EPHB1: variants seen among roughly 807,000 people sequenced by gnomAD.
EPHB1 encodes ephrin type-B receptor 1.
In EPHB1, 30 loss-of-function variants were observed where a neutral mutation model predicts 94.4. That is an observed-to-expected ratio of 0.32 (90% CI 0.24 to 0.43). The LOEUF (loss-of-function observed/expected upper bound fraction) is 0.43. Ranked by LOEUF, EPHB1 falls within the 20% of genes least tolerant of loss-of-function variation. The pLI, the probability that EPHB1 is intolerant of heterozygous loss-of-function variation, is 1.00. For synonymous variants in EPHB1, 522 were observed against 489.1 expected (o/e 1.07, Z -0.89); for missense variants, 1,055 against 1,308.3 (o/e 0.81, Z 2.99).
chr3:134,858,162 C>T (rs1017640058), intron 1 of EPHB1, among the ~76,000 whole-genome samples: 7 of 134,930 alleles, frequency 5.2e-5, no homozygotes, highest in Non-Finnish European at 1.2e-4. Flanking sequence ...TCATCATCAT[C>T]ATCATCATCA....
chr3:134,823,234 A>C (rs1490603450), intron 1 of EPHB1, among the ~76,000 whole-genome samples: 3 of 152,368 alleles, frequency 2.0e-5, no homozygotes, highest in African/African-American at 4.8e-5. Flanking sequence ...GGAGAAAGTC[A>C]GTTCAGAGAG....
chr3:134,797,631 C>T (rs867664150), intron 1 of EPHB1, among the ~76,000 whole-genome samples: 21 of 152,174 alleles, frequency 1.4e-4, no homozygotes, highest in Non-Finnish European at 1.8e-4. Flanking sequence ...TCAGTTTCCT[C>T]CCTGCCCCTC....
intron 2 of EPHB1, among the ~76,000 whole-genome samples, chr3:134,937,912 CTTTTTT>C (rs113610495): frequency 8.2e-6 from 1 of 122,614 alleles, no homozygotes; most frequent in African/African-American, 3.2e-5. Context: ...TGGTTCCCTC[CTTTTTT>C]TTTTTTTTTT....
chr3:134,834,678 G>A (rs1228256720), intron 1 of EPHB1, among the ~76,000 whole-genome samples: 1 of 152,182 alleles, frequency 6.6e-6, no homozygotes, highest in Non-Finnish European at 1.5e-5. Context: ...CTCGTTGGTG[G>A]TTGGCTTGTA....
At chr3:135,009,985 AC>A (rs1367096900) in intron 3 of EPHB1, among the ~76,000 whole-genome samples, 2 of 152,240 alleles carry the variant, frequency 1.3e-5, no homozygotes, top group African/African-American at 4.8e-5. Flanking sequence ...GAAATCATTA[AC>A]ATTTGGTGCT....
intron 3 of EPHB1, among the ~76,000 whole-genome samples, chr3:134,953,080 G>C (rs1374774366): frequency 6.6e-6 from 1 of 152,122 alleles, no homozygotes; most frequent in Non-Finnish European, 1.5e-5. Flanking sequence ...TTAGTCCTTT[G>C]GGTCTTGGGG....
intron 12 of EPHB1, among the ~76,000 whole-genome samples, chr3:135,235,849 G>A (rs886343431): frequency 1.3e-5 from 2 of 152,126 alleles, no homozygotes; most frequent in Non-Finnish European, 2.9e-5. Flanking sequence ...AACTGTGGCC[G>A]AGGTCTGATC....
chr3:134,985,566 G>A (rs879530772), intron 3 of EPHB1, among the ~76,000 whole-genome samples: 1 of 152,168 alleles, frequency 6.6e-6, no homozygotes, highest in South Asian at 2.1e-4. Context: ...AAGCAAGAAG[G>A]ACGTTTCTGT....
chr3:135,234,905 A>T (rs779428364), intron 12 of EPHB1, among the ~76,000 whole-genome samples: 4 of 152,200 alleles, frequency 2.6e-5, no homozygotes, highest in Non-Finnish European at 5.9e-5. Flanking sequence ...ATTCAAGATG[A>T]GATTTGGGTA....
intron 3 of EPHB1, among the ~76,000 whole-genome samples, chr3:135,081,384 C>T (rs1938158493): frequency 1.3e-5 from 2 of 152,116 alleles, no homozygotes; most frequent in Non-Finnish European, 2.9e-5. Context: ...GCTAAAGGGG[C>T]TTACAAAACT....
chr3:134,843,401 G>A (rs1391856829), intron 1 of EPHB1, among the ~76,000 whole-genome samples: 1 of 152,006 alleles, frequency 6.6e-6, no homozygotes, highest in Non-Finnish European at 1.5e-5. Context: ...TGGGATTTTT[G>A]GACTTGTGCA....
Position 135,155,752 on chromosome 3 carries a change from TGCACTCCAGTGTGGGTGACAGAGCA to T in EPHB1, c.1422+1477_1422+1501del, listed in dbSNP as rs1427821351. On this transcript the variant is annotated intron_variant, in intron 6 of 15. Coordinates refer to ENST00000398015, the MANE Select transcript of EPHB1 (RefSeq NM_004441.5). ...TTGCAGTGAGCCTAGATCACACCAC[TGCACTCCAGTGTGGGTGACAGAGCA>T]AGACTTTGTCAAAAAAAAAAAAAAA... Among the ~76,000 whole-genome samples the T allele has an allele frequency of 2.7e-4, 35 of 128,500 alleles. 2 individuals carry two copies. The highest frequency in any genetic ancestry group is 5.4e-4 in the African/African-American group (17 of 31,548). 84.3% of individuals were successfully genotyped at this position (128,500 alleles called of 152,430 possible).
At chr3:135,036,140 G>A (rs1174172694) in intron 3 of EPHB1, among the ~76,000 whole-genome samples, 2 of 152,162 alleles carry the variant, frequency 1.3e-5, no homozygotes, top group Non-Finnish European at 2.9e-5. Context: ...AGCCGCTTCT[G>A]ACCCCAGGAG....
chr3:135,207,652 G>A (rs1034258341), intron 12 of EPHB1, among the ~76,000 whole-genome samples: 6 of 152,212 alleles, frequency 3.9e-5, no homozygotes, highest in African/African-American at 1.4e-4. Context: ...AAGAGATGGT[G>A]CTACAGCAGA....
chr3:134,823,899 G>A (rs2108290878), intron 1 of EPHB1: 2 of 152,350 alleles, frequency 1.3e-5, no homozygotes, highest in South Asian at 2.1e-4. Context: ...GTGAGCCAAG[G>A]TGGGGAGGCT....
chr3:135,187,687 C>T (rs568849866), intron 10 of EPHB1, among the ~76,000 whole-genome samples: 1 of 152,112 alleles, frequency 6.6e-6, no homozygotes, highest in Admixed American at 6.5e-5. Context: ...GCCAGAAACC[C>T]AGACTTTAGC....
At position 134,886,640 on chromosome 3, in the gene EPHB1, T is replaced by C. The variant is rs117901695; in HGVS notation, c.59-39176T>C. Among the ~76,000 whole-genome samples, 25 of 152,336 alleles carry C rather than the reference T, an allele frequency of 1.6e-4. No individual in the cohort carries two copies. In the East Asian group the frequency reaches 4.4e-3, roughly 27 times the overall value. ...TTAATGAAGGTATTACTTGAATAAA[T>C]ATTTTACAGCTCTAATAGCATGTAA... On this transcript the variant is annotated intron_variant, in intron 1 of 15. Transcript: ENST00000398015.
At chr3:134,834,686 G>A (rs892381561) in intron 1 of EPHB1, among the ~76,000 whole-genome samples, 4 of 152,152 alleles carry the variant, frequency 2.6e-5, no homozygotes, top group African/African-American at 7.2e-5. Flanking sequence ...TGGTTGGCTT[G>A]TAATCCATAA....
intron 3 of EPHB1, among the ~76,000 whole-genome samples, chr3:134,993,604 G>A (rs889830008): frequency 5.3e-5 from 8 of 152,178 alleles, no homozygotes; most frequent in Non-Finnish European, 7.4e-5. Flanking sequence ...CTGGAGGGAT[G>A]TACAGTGTTG....
Sources: allele counts gnomAD v4.1 joint callset (sites outside exome capture counted in the v4.1 genomes callset), GRCh38; gene constraint gnomAD v4.1.1; transcripts MANE v1.5; gene names NCBI Gene and HGNC (gene_info 2026-07-23, HGNC 2026-07-21).